The following SPATA13 variants were observed in gnomAD, a reference collection of about 807,000 sequenced individuals.
The protein encoded by SPATA13 is spermatogenesis associated 13, also known as spermatogenesis-associated protein 13.
SPATA13 carries 50 observed loss-of-function variants against 104.0 expected under a neutral mutation model. That is an observed-to-expected ratio of 0.48 (90% CI 0.38 to 0.61). SPATA13 has a LOEUF of 0.61. SPATA13 is among the 20% of genes least tolerant of loss of function. The pLI, the probability that SPATA13 is intolerant of heterozygous loss-of-function variation, is 0.00. For synonymous variants in SPATA13, 606 were observed against 667.5 expected, an observed-to-expected ratio of 0.91 and a Z score of 1.42; for missense variants, 1,524 against 1,690.6, an observed-to-expected ratio of 0.90 and a Z score of 1.73.
At chr13:24,019,095 T>TATTA (rs200837147) in intron 3 of SPATA13, among the ~76,000 whole-genome samples, 2 of 141,166 alleles carry the variant, frequency 1.4e-5, no homozygotes, top group Non-Finnish European at 3.1e-5. Flanking sequence ...TTATTATTAT[T>TATTA]TTTTTTTTTT....
intron 1 of SPATA13, among the ~76,000 whole-genome samples, chr13:24,178,713 A>G (rs1868599768): frequency 6.6e-6 from 1 of 152,178 alleles, no homozygotes; most frequent in African/African-American, 2.4e-5. Flanking sequence ...CCTTCTGTCT[A>G]GGTTAAAAAT....
chr13:24,233,478 A>G (rs1035325337), intron 2 of SPATA13, among the ~76,000 whole-genome samples: 1 of 152,116 alleles, frequency 6.6e-6, no homozygotes, highest in African/African-American at 2.4e-5. Flanking sequence ...GAATGTTTTT[A>G]GCTTGTTTTT....
intron 1 of SPATA13, among the ~76,000 whole-genome samples, chr13:24,189,960 A>T (rs1467305426): frequency 2.5e-5 from 2 of 78,988 alleles, no homozygotes; most frequent in African/African-American, 9.9e-5. Context: ...ATATTATATA[A>T]TTATAAAATA....
intron 1 of SPATA13, among the ~76,000 whole-genome samples, chr13:24,175,222 TG>T (rs1883166418): frequency 7.2e-6 from 1 of 138,410 alleles, no homozygotes; most frequent in Non-Finnish European, 1.6e-5. Context: ...TAGTGATGCT[TG>T]TTTTTTTGTT....
At chr13:24,192,227 AC>A (rs1250658837) in intron 1 of SPATA13, among the ~76,000 whole-genome samples, 1 of 151,738 alleles carries the variant, frequency 6.6e-6, no homozygotes, top group Non-Finnish European at 1.5e-5. Flanking sequence ...TTCACCAGGG[AC>A]CCCCCTCCCC....
intron 1 of SPATA13, among the ~76,000 whole-genome samples, chr13:24,198,875 T>C (rs946247409): frequency 6.6e-6 from 1 of 152,110 alleles, no homozygotes. Flanking sequence ...TCAGGGGTGA[T>C]GCAGGACCTT....
intron 3 of SPATA13, among the ~76,000 whole-genome samples, chr13:24,086,280 A>T (rs1185100755): frequency 2.0e-5 from 3 of 152,126 alleles, no homozygotes; most frequent in African/African-American, 7.2e-5. Flanking sequence ...TAGTCTTGCT[A>T]AAAAAAGGGA....
rs564740171 is a variant in SPATA13, at chr13:24,215,154, G to A, written c.-111-7665G>A. On this transcript the variant is annotated intron_variant, in intron 1 of 12. Coordinates refer to ENST00000382108, the MANE Select transcript of SPATA13 (RefSeq NM_001166271.3). ...TGTGTGCTCCAGGGACCCCTGTTCAGGAGGAGTAGCTGGTCACCTCTGGCT... is the reference window on the plus strand; with the variant it reads ...TGTGTGCTCCAGGGACCCCTGTTCAAGAGGAGTAGCTGGTCACCTCTGGCT... Among the ~76,000 whole-genome samples the A allele has an allele frequency of 1.6e-4, 24 of 152,286 alleles. No homozygotes were observed. The South Asian group carries it at 2.1e-3, about 13-fold the overall frequency.
chr13:24,131,110 C>G (rs1881378532), intron 3 of SPATA13, among the ~76,000 whole-genome samples: 1 of 152,058 alleles, frequency 6.6e-6, no homozygotes, highest in Non-Finnish European at 1.5e-5. Flanking sequence ...TGAAAGTAAT[C>G]CAGAAAAGGA....
At chr13:24,044,293 C>T (rs138297659) in intron 3 of SPATA13, among the ~76,000 whole-genome samples, 3,003 of 146,368 alleles carry the variant, frequency 0.021, 102 homozygotes, top group African/African-American at 0.071. Flanking sequence ...AGTGCAGCAG[C>T]GCTATCATGG....
At chr13:24,280,304 A>G (rs980780490) in intron 4 of SPATA13, among the ~76,000 whole-genome samples, 8 of 152,152 alleles carry the variant, frequency 5.3e-5, no homozygotes, top group African/African-American at 1.9e-4. Flanking sequence ...ACTCCTGTTA[A>G]TTGTGAATTT....
At chr13:24,164,609 AG>A (rs1460492367) in intron 1 of SPATA13, among the ~76,000 whole-genome samples, 1 of 152,180 alleles carries the variant, frequency 6.6e-6, no homozygotes, top group Non-Finnish European at 1.5e-5. Flanking sequence ...GAGCAAGTCA[AG>A]TTTCATTGCT....
At chr13:23,998,312 A>T (rs1472092719) in intron 2 of SPATA13, among the ~76,000 whole-genome samples, 1 of 152,010 alleles carries the variant, frequency 6.6e-6, no homozygotes, top group Non-Finnish European at 1.5e-5. Flanking sequence ...TTTAATTTGC[A>T]TTTTCTTAAT....
chr13:24,256,460 AATT>A (rs1281988387), intron 4 of SPATA13, among the ~76,000 whole-genome samples: 10 of 152,244 alleles, frequency 6.6e-5, no homozygotes, highest in African/African-American at 1.7e-4. Flanking sequence ...AATATTGTAC[AATT>A]ATTATGTGAG....
chr13:24,000,704 T>G (rs1354869647), intron 2 of SPATA13, among the ~76,000 whole-genome samples: 1 of 151,758 alleles, frequency 6.6e-6, no homozygotes, highest in African/African-American at 2.4e-5. Flanking sequence ...AGGAAAGCCT[T>G]GGGTTAGAGG....
At chr13:24,113,384 C>A in intron 3 of SPATA13, among the ~76,000 whole-genome samples, 1 of 152,190 alleles carries the variant, frequency 6.6e-6, no homozygotes, top group Non-Finnish European at 1.5e-5. Context: ...GGGTGGATCA[C>A]TTGAGGTCAG....
At position 24,011,081 on chromosome 13, in the gene SPATA13, A is replaced by G. The variant is rs1566071297; in HGVS notation, c.-146-6586A>G. ...TCTGCAGTTTGCTGACTCCTCTGCAACCTTGGCTTTGGTTTCTCCCCAGGT... is the reference window on the plus strand; with the variant it reads ...TCTGCAGTTTGCTGACTCCTCTGCAGCCTTGGCTTTGGTTTCTCCCCAGGT... On this transcript the variant is annotated intron_variant, in intron 2 of 14. Transcript: ENST00000424834. The surrounding 1 kb of genome is among the most constrained non-coding windows in gnomAD (Gnocchi z 4.3). Among the ~76,000 whole-genome samples the G allele has an allele frequency of 6.6e-6, 1 of 151,898 alleles. No individual in the cohort carries two copies. Among genetic ancestry groups the G allele is most frequent in the Admixed American group, 6.6e-5 (1 of 15,264 alleles).
intron 3 of SPATA13, among the ~76,000 whole-genome samples, chr13:24,058,323 G>C (rs1008303128): frequency 5.3e-5 from 8 of 151,806 alleles, no homozygotes; most frequent in African/African-American, 1.9e-4. Context: ...ACCTGATTCA[G>C]TCACTGTTTA....
chr13:24,194,643 G>A (rs1019836672), intron 1 of SPATA13, among the ~76,000 whole-genome samples: 3 of 152,164 alleles, frequency 2.0e-5, no homozygotes, highest in Non-Finnish European at 4.4e-5. Flanking sequence ...ACCACTCACC[G>A]ACTGGTCTGC....
Sources: allele counts gnomAD v4.1 joint callset (sites outside exome capture counted in the v4.1 genomes callset), GRCh38; gene constraint gnomAD v4.1.1; non-coding constraint Gnocchi (gnomAD v3.1); transcripts MANE v1.5; gene names NCBI Gene and HGNC (gene_info 2026-07-23, HGNC 2026-07-21).